MMRN2: variants seen among roughly 807,000 people sequenced by gnomAD.
MMRN2 encodes the protein multimerin 2, also known as multimerin-2.
Under a neutral mutation model 68.8 loss-of-function variants are expected in MMRN2, and 53 were observed. The ratio of observed to expected loss-of-function variants is 0.77; its 90% confidence interval spans 0.62 to 0.97. The LOEUF (loss-of-function observed/expected upper bound fraction) is 0.97. MMRN2 is among the 50% of genes least tolerant of loss of function. The pLI is 0.00. For synonymous variants in MMRN2, 564 were observed against 551.6 expected, an observed-to-expected ratio of 1.02 and a Z score of -0.32; for missense variants, 1,266 against 1,259.5, an observed-to-expected ratio of 1.01 and a Z score of -0.08.
At chr10:86,951,086 C>T (rs897406269) in intron 1 of MMRN2, among the ~76,000 whole-genome samples, 1 of 151,646 alleles carries the variant, frequency 6.6e-6, no homozygotes, top group African/African-American at 2.4e-5. Context: ...GAAACTCCAT[C>T]TCAAAGAAAA....
chr10:86,937,270 G>A (rs1479433643), intron 6 of MMRN2, 145 bp from the exon 7 acceptor site: 1 of 886,030 alleles, frequency 1.1e-6, no homozygotes, highest in African/African-American at 1.7e-5. Context: ...CAACAGCAGT[G>A]TTATTGCAGG....
intron 5 of MMRN2, 41 bp downstream of exon 5, chr10:86,944,221 G>A (rs1844032492): frequency 6.3e-7 from 1 of 1,592,474 alleles, no homozygotes; most frequent in Admixed American, 1.7e-5. Context: ...TCCCCTCAAT[G>A]TGACCAGGCT....
At chr10:86,956,775 G>A (rs769253126) in intron 1 of MMRN2, among the ~76,000 whole-genome samples, 2 of 152,224 alleles carry the variant, frequency 1.3e-5, no homozygotes, top group Non-Finnish European at 2.9e-5. Context: ...GATGAGGGGG[G>A]ACTTACAGGC....
rs771246872 is a variant in MMRN2, at chr10:86,943,830, C to T, written c.954G>A (p.Gln318=). ...AGATCGAGCGGTGCAGGGTAAAGTGCTGGGCGTGCAGGCGGTCCTCCACGT... is the reference window on the plus strand; with the variant it reads ...AGATCGAGCGGTGCAGGGTAAAGTGTTGGGCGTGCAGGCGGTCCTCCACGT... ...RQDVEDRLHA[Q]HFTLHRSISE... is the part of the protein sequence containing the mutation. The change falls in exon 6 of 7, where the codon CAG becomes CAA. Residue 318 remains glutamine (Q), a synonymous_variant. Transcript: ENST00000372027. The surrounding 1 kb of genome is among the most constrained non-coding windows in gnomAD (Gnocchi z 4.2). 4.3e-6 allele frequency: 7 copies of T among 1,612,402 alleles called. No homozygotes were observed. Among genetic ancestry groups the T allele is most frequent in the Non-Finnish European group, 5.9e-6 (7 of 1,180,010 alleles).
chr10:86,950,741 T>C (rs1464395506), intron 1 of MMRN2, among the ~76,000 whole-genome samples: 2 of 152,058 alleles, frequency 1.3e-5, no homozygotes, highest in Admixed American at 6.6e-5. Flanking sequence ...GAGTTAGTGA[T>C]AAAGACACAG....
At position 86,945,430 on chromosome 10, in the gene MMRN2, G is replaced by C. The variant is rs11202271; in HGVS notation, c.340C>G (p.Leu114Val). 6.4e-7 allele frequency: 1 copy of C among 1,571,508 alleles called. No homozygotes were observed. The highest frequency in any genetic ancestry group is 8.6e-7 in the Non-Finnish European group (1 of 1,157,094). The change falls in exon 3 of 7, where the codon CTG becomes GTG. Residue 114 changes from leucine to valine, a missense_variant. Coordinates refer to ENST00000372027, the MANE Select transcript of MMRN2 (RefSeq NM_024756.3). ...CAGCACCTCCAGGCCAAAGAGGTCA[G>C]CACCTTCTGCTTGACCTGGTACACT... ...KPVYQVKQKV[L>V]TSLAWRCCPG... is the part of the protein sequence containing the mutation.
Position 86,943,016 on chromosome 10 carries a change from G to A in MMRN2, c.1768C>T (p.Arg590Cys). The A allele has an allele frequency of 1.5e-6, 2 of 1,375,310 alleles. No individual in the cohort carries two copies. The highest frequency in any genetic ancestry group is 1.5e-5 in the South Asian group (1 of 64,530). The allele number at this position is 1,375,310 out of a possible 1,614,324, so 85.2% of individuals were successfully genotyped here. Residue 590 changes from arginine to cysteine, a missense_variant, in exon 6 of 7, where the codon CGC becomes TGC. Arg to Cys is a radical substitution (Grantham distance 180). Transcript: ENST00000372027. This position sits in a 1 kb window ranked among gnomAD's most constrained non-coding sequence, Gnocchi z 4.2. Reference sequence around the variant, plus strand: ...GCGGCGAAGGCGCTGTGCAGCTGGCGCACCTCGTGGCGGGCCTCGGCCGCG... The same window carrying A: ...GCGGCGAAGGCGCTGTGCAGCTGGCACACCTCGTGGCGGGCCTCGGCCGCG... ...AAAAEARHEVRQLHSAFAALL... is the reference protein window; with the variant it reads ...AAAAEARHEVCQLHSAFAALL...
At position 86,936,500 on chromosome 10, in the gene MMRN2, G is replaced by A. The variant is rs1449636102; in HGVS notation, c.*243C>T. The A allele has an allele frequency of 1.7e-6, 1 of 573,486 alleles. No homozygotes were observed. The highest frequency in any genetic ancestry group is 1.9e-5 in the African/African-American group (1 of 53,744). The allele number at this position is 573,486 out of a possible 1,614,324, so 35.5% of individuals were successfully genotyped here. On this transcript the variant is annotated 3_prime_UTR_variant, in exon 7 of 7. Coordinates refer to ENST00000372027, the MANE Select transcript of MMRN2 (RefSeq NM_024756.3). ...CGTGCTGTCTGAGAAGGCATGCCAAGCCAAGGTTCAGGCTTCCTAGGACCA... is the reference window on the plus strand; with the variant it reads ...CGTGCTGTCTGAGAAGGCATGCCAAACCAAGGTTCAGGCTTCCTAGGACCA...
At position 86,942,915 on chromosome 10, in the gene MMRN2, A is replaced by T; in HGVS notation, c.1869T>A (p.Ser623=). The change falls in exon 6 of 7, where the codon TCT becomes TCA. Residue 623 remains serine (S), a synonymous_variant. Transcript: ENST00000372027. ...LFGEEVLEEM[S]EQTPGPLPLS... Reference sequence around the variant, plus strand: ...GGGGCAGCGGTCCCGGCGTCTGCTCAGACATCTCCTCCAGCACCTCCTCCC... The same window carrying T: ...GGGGCAGCGGTCCCGGCGTCTGCTCTGACATCTCCTCCAGCACCTCCTCCC... 6.7e-7 allele frequency: 1 copy of T among 1,491,482 alleles called. No homozygotes were observed. The highest frequency in any genetic ancestry group is 1.3e-5 in the South Asian group (1 of 79,088). The allele number at this position is 1,491,482 out of a possible 1,614,324, so 92.4% of individuals were successfully genotyped here.
At chr10:86,955,675 A>G (rs1844211681) in intron 1 of MMRN2, among the ~76,000 whole-genome samples, 1 of 152,216 alleles carries the variant, frequency 6.6e-6, no homozygotes. Context: ...CCCTGGTCAC[A>G]GGAGCAAGGG....
chr10:86,937,267 A>G, intron 6 of MMRN2, 142 bp from the exon 7 acceptor site: 1 of 914,240 alleles, frequency 1.1e-6, no homozygotes, highest in East Asian at 2.7e-5. Context: ...TCCCAACAGC[A>G]GTGTTATTGC....
At position 86,942,544 on chromosome 10, in the gene MMRN2, T is replaced by C. The variant is rs764879946; in HGVS notation, c.2240A>G (p.His747Arg). The change falls in exon 6 of 7, where the codon CAC becomes CGC. Residue 747 changes from histidine to arginine, a missense_variant. Coordinates refer to ENST00000372027, the MANE Select transcript of MMRN2 (RefSeq NM_024756.3). ...LFATQRSLEQ[H>R]QRLFHSLFGN... is the part of the protein sequence containing the mutation. Reference sequence around the variant, plus strand: ...AAAGAGGCTGTGGAAGAGCCGCTGGTGCTGCTCCAAGCTGCGCTGAGTGGC... The same window carrying C: ...AAAGAGGCTGTGGAAGAGCCGCTGGCGCTGCTCCAAGCTGCGCTGAGTGGC... The C allele has an allele frequency of 6.2e-7, 1 of 1,613,574 alleles. No individual in the cohort carries two copies.
chr10:86,942,203 T>TGAC, intron 6 of MMRN2, 114 bp downstream of exon 6: 1 of 1,260,708 alleles, frequency 7.9e-7, no homozygotes, highest in South Asian at 1.6e-5. Flanking sequence ...CTAGTAGGGG[T>TGAC]GACGGATGGC....
intron 6 of MMRN2, among the ~76,000 whole-genome samples, chr10:86,941,585 C>T (rs925002179): frequency 2.6e-5 from 4 of 151,754 alleles, no homozygotes; most frequent in African/African-American, 9.7e-5. Context: ...ATTACTTGAT[C>T]CCAGGAATTT....
At chr10:86,937,690 A>G (rs1185416560) in intron 6 of MMRN2, among the ~76,000 whole-genome samples, 2 of 152,192 alleles carry the variant, frequency 1.3e-5, no homozygotes, top group African/African-American at 2.4e-5. Flanking sequence ...CCAAGGCTAC[A>G]TGGTTTGTAA....
chr10:86,936,300 C>T lies in MMRN2; in HGVS notation c.*443G>A, dbSNP rs1053937808. On this transcript the variant is annotated 3_prime_UTR_variant, in exon 7 of 7. Transcript: ENST00000372027. ...TCCAATGTTGGCCAAAATGTTGCCTCCATTTTAAACATTCCTCCTGGGGAA... is the reference window on the plus strand; with the variant it reads ...TCCAATGTTGGCCAAAATGTTGCCTTCATTTTAAACATTCCTCCTGGGGAA... 4.8e-6 allele frequency: 2 copies of T among 419,354 alleles called. No individual in the cohort carries two copies. Among genetic ancestry groups the T allele is most frequent in the African/African-American group, 4.1e-5 (2 of 49,192 alleles). The allele number at this position is 419,354 out of a possible 1,614,324, so 26.0% of individuals were successfully genotyped here.
rs766676993 is a variant in MMRN2 at position 86,942,720 on chromosome 10, C to T, written c.2064G>A (p.Glu688=). Residue 688 remains glutamate (E), a synonymous_variant, in exon 6 of 7, where the codon GAG becomes GAA. Coordinates refer to ENST00000372027, the MANE Select transcript of MMRN2 (RefSeq NM_024756.3). ...LEPSHDAGRE[E]AATTALAGLA... is the part of the protein sequence containing the mutation. ...GCCCGGCCAGGGCGGTGGTGGCGGCCTCCTCGCGGCCCGCGTCGTGGCTGG... is the reference window on the plus strand; with the variant it reads ...GCCCGGCCAGGGCGGTGGTGGCGGCTTCCTCGCGGCCCGCGTCGTGGCTGG... 9 of 1,465,116 alleles carry T rather than the reference C, an allele frequency of 6.1e-6. No individual in the cohort carries two copies. The Admixed American group carries it at 2.2e-4, about 36-fold the overall frequency. The allele number at this position is 1,465,116 out of a possible 1,614,324, so 90.8% of individuals were successfully genotyped here.
chr10:86,946,124 C>T (rs933281685), intron 1 of MMRN2, among the ~76,000 whole-genome samples: 4 of 152,262 alleles, frequency 2.6e-5, no homozygotes, highest in African/African-American at 9.6e-5. Context: ...TACCAACGTG[C>T]AGCTGGGGCT....
intron 1 of MMRN2, among the ~76,000 whole-genome samples, chr10:86,957,100 C>G (rs1228232280): frequency 6.6e-6 from 1 of 152,216 alleles, no homozygotes; most frequent in African/African-American, 2.4e-5. Context: ...CCCCAGTGCC[C>G]CATGCTGGGT....
Sources: gnomAD v4.1 joint callset for allele counts (sites outside exome capture counted in the v4.1 genomes callset) on GRCh38, gnomAD v4.1.1 for gene constraint, Gnocchi (gnomAD v3.1) non-coding constraint, MANE v1.5 for transcripts, NCBI Gene and HGNC (gene_info 2026-07-23, HGNC 2026-07-21) for gene names.